The following OSBPL11 variants were observed in gnomAD, a reference collection of about 807,000 sequenced individuals.
OSBPL11 encodes the protein oxysterol-binding protein-related protein 11.
OSBPL11 carries 33 observed loss-of-function variants against 84.4 expected under a neutral mutation model. That is an observed-to-expected ratio of 0.39 (90% CI 0.30 to 0.52). The LOEUF (loss-of-function observed/expected upper bound fraction) is 0.52. Ranked by LOEUF, OSBPL11 falls within the 20% of genes least tolerant of loss-of-function variation. The probability of loss-of-function intolerance (pLI) is 0.72; values close to 1 mark genes in which losing one functional copy is unlikely to be tolerated. For synonymous variants in OSBPL11, 276 were observed against 310.2 expected (o/e 0.89, Z 1.16); for missense variants, 736 against 901.1 (o/e 0.82, Z 2.35).
Position 125,578,960 on chromosome 3 carries a change from C to T in OSBPL11, c.489G>A (p.Lys163=). The T allele has an allele frequency of 1.3e-6, 2 of 1,536,154 alleles. No homozygotes were observed. The highest frequency in any genetic ancestry group is 1.8e-6 in the Non-Finnish European group (2 of 1,138,264). ...CTQHHTEAIG[K]NNPPLKSRSF... is the part of the protein sequence containing the mutation. ...TAATATTGTATATAAATCTACATAC[C>T]TTTCCAATAGCTTCAGTATGATGCT... Residue 163 remains lysine, a splice_region_variant and synonymous_variant, in exon 4 of 13, where the codon AAG becomes AAA. Transcript: ENST00000296220.
chr3:125,582,952 T>C lies in OSBPL11; in HGVS notation c.191A>G (p.Tyr64Cys), dbSNP rs1172182024. The C allele has an allele frequency of 1.3e-6, 2 of 1,593,964 alleles. 1 individual carries two copies. The highest frequency in any genetic ancestry group is 3.3e-4 in the Middle Eastern group (2 of 6,020). Residue 64 changes from tyrosine (Y) to cysteine (C), a missense_variant, in exon 2 of 13, where the codon TAT becomes TGT. Tyr to Cys is a radical substitution (Grantham distance 194, BLOSUM62 -2). This residue lies in a region of OSBPL11 where 114 missense variants were observed against 104.9 expected (regional missense o/e 1.09). Coordinates refer to ENST00000296220, the MANE Select transcript of OSBPL11 (RefSeq NM_022776.5). ...YSDHMENVYGYLMKYTNLVTG... is the reference protein window; with the variant it reads ...YSDHMENVYGCLMKYTNLVTG... ...GACAAGGTTGGTATACTTCATTAAA[T>C]AGCCATACACATTTTCCATGTGATC...
Position 125,594,922 on chromosome 3 carries a change from G to T in OSBPL11, c.-122C>A. On this transcript the variant is annotated 5_prime_UTR_variant, in exon 1 of 13. Transcript: ENST00000296220. Reference sequence around the variant, plus strand: ...ATACCGGTTGCTAAATCACACGGCGGCTGGGGCGGGACTGTCAAATGGTCC... The same window carrying T: ...ATACCGGTTGCTAAATCACACGGCGTCTGGGGCGGGACTGTCAAATGGTCC... 1.8e-6 allele frequency: 2 copies of T among 1,090,180 alleles called. No individual in the cohort carries two copies. Among genetic ancestry groups the T allele is most frequent in the South Asian group, 1.7e-5 (1 of 60,234 alleles). 67.5% of individuals were successfully genotyped at this position (1,090,180 alleles called of 1,614,324 possible).
At chr3:125,589,618 A>G (rs888657127) in intron 1 of OSBPL11, among the ~76,000 whole-genome samples, 16 of 141,588 alleles carry the variant, frequency 1.1e-4, no homozygotes, top group African/African-American at 2.1e-4. Context: ...CCTGCAGAGG[A>G]AAAAAAAAAA....
intron 9 of OSBPL11, among the ~76,000 whole-genome samples, chr3:125,549,287 G>A: frequency 6.6e-6 from 1 of 152,160 alleles, no homozygotes; most frequent in East Asian, 1.9e-4. Context: ...GGCTCCCAAA[G>A]TGCTGGGATT....
At chr3:125,562,554 A>C (rs764008357) in intron 7 of OSBPL11, among the ~76,000 whole-genome samples, 1 of 152,244 alleles carries the variant, frequency 6.6e-6, no homozygotes, top group South Asian at 2.1e-4. Context: ...ACGAATATAT[A>C]AAGTACCATA....
rs145664257 is a variant in OSBPL11 at position 125,564,494 on chromosome 3, G to A, written c.869-651C>T. Among the ~76,000 whole-genome samples, 6 of 152,134 alleles carry A rather than the reference G, an allele frequency of 3.9e-5. No homozygotes were observed. In the East Asian group the frequency reaches 7.7e-4, roughly 20 times the overall value. On this transcript the variant is annotated intron_variant, in intron 6 of 12. Coordinates refer to ENST00000296220, the MANE Select transcript of OSBPL11 (RefSeq NM_022776.5). ...GATTCAAATGTCTCTTGTTACCCTC[G>A]ACTAGTTTAACAAAGTGGATTCTAT...
intron 8 of OSBPL11, among the ~76,000 whole-genome samples, chr3:125,559,834 A>G (rs970659959): frequency 2.0e-5 from 3 of 152,016 alleles, no homozygotes; most frequent in African/African-American, 7.2e-5. Flanking sequence ...ATCATTTGAG[A>G]TCAGGAGTTC....
chr3:125,582,095 G>A (rs1305658826), intron 2 of OSBPL11, among the ~76,000 whole-genome samples: 2 of 152,180 alleles, frequency 1.3e-5, no homozygotes, highest in Non-Finnish European at 2.9e-5. Context: ...TGCACTTTGG[G>A]AGGCCAAGAC....
intron 2 of OSBPL11, among the ~76,000 whole-genome samples, chr3:125,581,330 G>A (rs573824967): frequency 1.3e-5 from 2 of 151,940 alleles, no homozygotes; most frequent in East Asian, 2.0e-4. Flanking sequence ...GAACTCAGGC[G>A]ATCCTCCCGC....
intron 9 of OSBPL11, among the ~76,000 whole-genome samples, chr3:125,547,870 T>C (rs1003514223): frequency 3.3e-5 from 5 of 152,176 alleles, no homozygotes; most frequent in Admixed American, 2.0e-4. Flanking sequence ...TTTTCTCTAA[T>C]GCTCCTAAAA....
intron 11 of OSBPL11, among the ~76,000 whole-genome samples, 153 bp from the exon 12 acceptor site, chr3:125,532,167 T>C: frequency 6.6e-6 from 1 of 152,248 alleles, no homozygotes. Flanking sequence ...ATAACGATAC[T>C]GTGCTGCTGA....
rs71325855 is a variant in OSBPL11 at position 125,571,048 on chromosome 3, C to T, written c.667-3453G>A. On this transcript the variant is annotated intron_variant, in intron 5 of 12. Transcript: ENST00000296220. ...TAGAGACTTGTTGAATGGCTTTGCC[C>T]AAAATGCGGACAGCAATATGGACAA... 9.6e-4 allele frequency among the ~76,000 whole-genome samples: 146 copies of T among 152,230 alleles called. 1 individual carries two copies. Among genetic ancestry groups the T allele is most frequent in the Non-Finnish European group, 1.3e-3 (90 of 68,014 alleles).
chr3:125,551,933 T>C (rs1159235949), intron 9 of OSBPL11, among the ~76,000 whole-genome samples: 3 of 152,062 alleles, frequency 2.0e-5, no homozygotes, highest in Non-Finnish European at 4.4e-5. Flanking sequence ...AGTAACATAA[T>C]ATTTTAAACT....
At chr3:125,553,328 G>A (rs1378395902) in intron 8 of OSBPL11, among the ~76,000 whole-genome samples, 1 of 152,118 alleles carries the variant, frequency 6.6e-6, no homozygotes, top group Admixed American at 6.5e-5. Context: ...GAATGACCAA[G>A]ACATGAGAAA....
intron 5 of OSBPL11, among the ~76,000 whole-genome samples, chr3:125,575,156 G>A (rs1180436691): frequency 2.0e-5 from 3 of 152,008 alleles, no homozygotes; most frequent in East Asian, 1.9e-4. Context: ...TGAGAATTCC[G>A]TTGTGTTCTG....
intron 1 of OSBPL11, among the ~76,000 whole-genome samples, chr3:125,585,233 C>A (rs1289089187): frequency 6.6e-6 from 1 of 152,062 alleles, no homozygotes; most frequent in African/African-American, 2.4e-5. Flanking sequence ...GGGGCTCATG[C>A]GATTTTTCTG....
chr3:125,554,011 C>T (rs1935953942), intron 8 of OSBPL11, among the ~76,000 whole-genome samples: 1 of 152,184 alleles, frequency 6.6e-6, no homozygotes, highest in African/African-American at 2.4e-5. Context: ...TAAAAAGGCT[C>T]AGGAGCTGAT....
chr3:125,537,201 T>C (rs1022697194), intron 11 of OSBPL11, among the ~76,000 whole-genome samples: 1 of 150,234 alleles, frequency 6.7e-6, no homozygotes, highest in African/African-American at 2.5e-5. Flanking sequence ...GTAATCCAGA[T>C]TTTAAAAAAA....
chr3:125,532,570 T>A (rs1272385549), intron 11 of OSBPL11, among the ~76,000 whole-genome samples: 3 of 126,814 alleles, frequency 2.4e-5, no homozygotes, highest in Admixed American at 8.7e-5. Flanking sequence ...GCTTAACAAA[T>A]CTCAAGCAAA....
Sources: allele counts gnomAD v4.1 joint callset (sites outside exome capture counted in the v4.1 genomes callset), GRCh38; gene constraint gnomAD v4.1.1; regional missense constraint gnomAD v4.1.1; transcripts MANE v1.5; gene names NCBI Gene and HGNC (gene_info 2026-07-23, HGNC 2026-07-21).